PLEKHG7: variants seen among roughly 807,000 people sequenced by gnomAD.
The protein encoded by PLEKHG7 is pleckstrin homology domain-containing family G member 7.
In PLEKHG7, 77 loss-of-function variants were observed where a neutral mutation model predicts 85.2. The ratio of observed to expected loss-of-function variants is 0.90; its 90% CI spans 0.75 to 1.09. The LOEUF (loss-of-function observed/expected upper bound fraction) is 1.09, where lower values mean the gene tolerates loss of function less well. Ranked by LOEUF, PLEKHG7 falls within the 50% of genes least tolerant of loss-of-function variation. PLEKHG7 has a pLI of 0.00. For synonymous variants in PLEKHG7, 301 were observed against 302.4 expected, an observed-to-expected ratio of 1.00 and a Z score of 0.05; for missense variants, 777 against 804.3, an observed-to-expected ratio of 0.97 and a Z score of 0.41.
chr12:92,707,884 A>C, intron 3 of PLEKHG7: 1 of 703,152 alleles, frequency 1.4e-6, no homozygotes, highest in Non-Finnish European at 2.3e-6. Context: ...GCAGGATACA[A>C]TGCCATATGC....
intron 3 of PLEKHG7, among the ~76,000 whole-genome samples, chr12:92,718,029 A>C (rs992379416): frequency 3.3e-5 from 5 of 152,204 alleles, no homozygotes; most frequent in Non-Finnish European, 7.3e-5. Context: ...TTCTAACATC[A>C]GGCACATCAA....
intron 7 of PLEKHG7, among the ~76,000 whole-genome samples, chr12:92,738,443 C>G (rs544696634): frequency 6.6e-6 from 1 of 152,324 alleles, no homozygotes; most frequent in South Asian, 2.1e-4. Flanking sequence ...TCTGTTTTGC[C>G]TTGTGACCTT....
At chr12:92,751,909 T>C (rs1872701605) in intron 10 of PLEKHG7, among the ~76,000 whole-genome samples, 1 of 151,714 alleles carries the variant, frequency 6.6e-6, no homozygotes, top group Admixed American at 6.6e-5. Flanking sequence ...GTCAGCTATG[T>C]GAAAGGCTGA....
At position 92,706,683 on chromosome 12, in the gene PLEKHG7, G is replaced by A. The variant is rs755152876; in HGVS notation, c.52G>A (p.Ala18Thr). Residue 18 changes from alanine (A) to threonine (T), a missense_variant, in exon 2 of 17, where the codon GCC becomes ACC. Physicochemically the swap from Ala to Thr is moderately conservative, Grantham distance 58. Transcript: ENST00000344636. Reference protein sequence around the residue: ...CPEVPPQDCGASPRPSLRSLP... With the variant: ...CPEVPPQDCGTSPRPSLRSLP... ...AGAGGTGCCACCCCAAGACTGTGGA[G>A]CCTCTCCTCGGCCCTCGCTGAGGAG... The A allele has an allele frequency of 5.6e-6, 9 of 1,614,018 alleles. No homozygotes were observed. The highest frequency in any genetic ancestry group is 6.8e-6 in the Non-Finnish European group (8 of 1,180,020).
chr12:92,740,341 C>T (rs148208316), intron 7 of PLEKHG7, among the ~76,000 whole-genome samples: 50 of 152,254 alleles, frequency 3.3e-4, no homozygotes, highest in African/African-American at 9.9e-4. Context: ...AACATAAAAA[C>T]TCCCTCAATG....
chr12:92,752,127 G>A (rs1462963342), intron 10 of PLEKHG7, among the ~76,000 whole-genome samples: 1 of 152,026 alleles, frequency 6.6e-6, no homozygotes, highest in Admixed American at 6.6e-5. Context: ...AAATTGCTAG[G>A]CAAGAGGCTA....
Position 92,769,037 on chromosome 12 carries a change from GT to G in PLEKHG7, c.1926del (p.Cys642Ter). The G allele has an allele frequency of 6.2e-7, 1 of 1,603,996 alleles. No homozygotes were observed. The highest frequency in any genetic ancestry group is 8.5e-7 in the Non-Finnish European group (1 of 1,172,276). On this transcript the variant is annotated frameshift_variant, in exon 16 of 17. Coordinates refer to ENST00000344636, the MANE Select transcript of PLEKHG7 (RefSeq NM_001377329.1). LOFTEE classifies it high-confidence loss of function. Reference protein sequence around the residue: ...LIQHENRYRQCIAAFLLQAQT... With the variant: ...LIQHENRYRQXIAAFLLQAQT... ...CAACACGAAAACAGATATCGACAGTGTATAGCAGCATTCTTATTACAAGCCC... is the reference window on the plus strand; with the variant it reads ...CAACACGAAAACAGATATCGACAGTGATAGCAGCATTCTTATTACAAGCCC...
intron 7 of PLEKHG7, among the ~76,000 whole-genome samples, chr12:92,738,668 C>A (rs1288345584): frequency 6.6e-6 from 1 of 152,208 alleles, no homozygotes; most frequent in African/African-American, 2.4e-5. Flanking sequence ...AGATTAAGCT[C>A]ACAGGCTGCA....
chr12:92,767,224 G>A (rs1873228403), intron 15 of PLEKHG7, among the ~76,000 whole-genome samples: 1 of 152,128 alleles, frequency 6.6e-6, no homozygotes, highest in Non-Finnish European at 1.5e-5. Context: ...TAGAATGTCA[G>A]TAAAAAAAGA....
In PLEKHG7 at chr12:92,770,418, T is replaced by C. The variant is rs1333508828; in HGVS notation, c.*223T>C. 1 of 459,422 alleles carries C rather than the reference T, an allele frequency of 2.2e-6. No homozygotes were observed. Among genetic ancestry groups the C allele is most frequent in the Non-Finnish European group, 3.8e-6 (1 of 262,622 alleles). 28.5% of individuals were successfully genotyped at this position (459,422 alleles called of 1,614,324 possible). On this transcript the variant is annotated 3_prime_UTR_variant, in exon 17 of 17. Coordinates refer to ENST00000344636, the MANE Select transcript of PLEKHG7 (RefSeq NM_001377329.1). The stretch of plus-strand genomic sequence containing the variant: ...ATTTCTTGACAAATATATACTGACA[T>C]CCAGATTACCTTCTAATGCTTCCGT...
intron 5 of PLEKHG7, among the ~76,000 whole-genome samples, chr12:92,735,308 C>T (rs1386475100): frequency 1.3e-5 from 2 of 152,282 alleles, no homozygotes; most frequent in Admixed American, 1.3e-4. Context: ...GCTAATGAGT[C>T]TACAATAGGT....
chr12:92,712,847 C>T (rs547624054), intron 3 of PLEKHG7, among the ~76,000 whole-genome samples: 2 of 152,230 alleles, frequency 1.3e-5, no homozygotes, highest in Admixed American at 1.3e-4. Flanking sequence ...CACTGTAAGT[C>T]AGACCTGAGC....
intron 3 of PLEKHG7, among the ~76,000 whole-genome samples, chr12:92,715,025 T>C (rs891405123): frequency 2.3e-5 from 3 of 128,624 alleles, no homozygotes; most frequent in Non-Finnish European, 5.2e-5. Context: ...ATGGGATAGA[T>C]AGATAGATAG....
chr12:92,769,985 G>T, intron 16 of PLEKHG7, 103 bp from the exon 17 acceptor site: 1 of 702,380 alleles, frequency 1.4e-6, no homozygotes, highest in South Asian at 2.0e-5. Flanking sequence ...GTTTTAAAGA[G>T]CTGGTCAATA....
chr12:92,711,952 T>C (rs748919708), intron 3 of PLEKHG7, among the ~76,000 whole-genome samples: 2 of 152,204 alleles, frequency 1.3e-5, no homozygotes, highest in African/African-American at 2.4e-5. Flanking sequence ...TACTAGGCAT[T>C]GTACCTCTTT....
intron 15 of PLEKHG7, among the ~76,000 whole-genome samples, chr12:92,765,917 G>A (rs1275299076): frequency 6.6e-6 from 1 of 152,222 alleles, no homozygotes; most frequent in East Asian, 1.9e-4. Flanking sequence ...TGCCTCCTGT[G>A]TCCATTCTTT....
At chr12:92,718,627 A>G (rs1214544679) in intron 3 of PLEKHG7, among the ~76,000 whole-genome samples, 1 of 152,108 alleles carries the variant, frequency 6.6e-6, no homozygotes, top group African/African-American at 2.4e-5. Flanking sequence ...TTCTCCTCCA[A>G]CTATTTATCT....
At chr12:92,741,413 A>G in intron 8 of PLEKHG7, 78 bp from the exon 9 acceptor site, 1 of 856,360 alleles carries the variant, frequency 1.2e-6, no homozygotes, top group African/African-American at 1.7e-5. Context: ...TGTAAGAATG[A>G]TACTTGAAGT....
intron 14 of PLEKHG7, among the ~76,000 whole-genome samples, chr12:92,762,539 CACTGG>C (rs1457864617): frequency 6.6e-6 from 1 of 152,050 alleles, no homozygotes; most frequent in East Asian, 1.9e-4. Flanking sequence ...CCCATTAAGC[CACTGG>C]TCTGCTGCTG....
Sources: allele counts gnomAD v4.1 joint callset (sites outside exome capture counted in the v4.1 genomes callset), GRCh38; gene constraint gnomAD v4.1.1; transcripts MANE v1.5; gene names NCBI Gene and HGNC (gene_info 2026-07-23, HGNC 2026-07-21).